PPME1: variants seen among roughly 807,000 people sequenced by gnomAD.
PPME1 encodes protein phosphatase methylesterase 1, also known as testicular secretory protein Li 39.
Under a neutral mutation model 56.9 loss-of-function variants are expected in PPME1, and 17 were observed. The observed-to-expected ratio is 0.30, with a 90% CI of 0.20 to 0.45. The LOEUF is 0.45. Ranked by LOEUF, PPME1 falls within the 20% of genes least tolerant of loss-of-function variation. The pLI, the probability that PPME1 is intolerant of heterozygous loss-of-function variation, is 1.00. For synonymous variants in PPME1, 122 were observed against 156.2 expected (o/e 0.78, Z 1.63); for missense variants, 357 against 483.2 (o/e 0.74, Z 2.45).
At position 74,251,989 on chromosome 11, in the gene PPME1, G is replaced by A. The variant is rs530012417; in HGVS notation, c.1142+274G>A. 14 of 645,396 alleles carry A rather than the reference G, an allele frequency of 2.2e-5. No individual in the cohort carries two copies. In the African/African-American group the frequency reaches 2.3e-4, roughly 11 times the overall value. 40.0% of individuals were successfully genotyped at this position (645,396 alleles called of 1,614,324 possible). The stretch of plus-strand genomic sequence containing the variant: ...TGTGATGTGCATTTCTTCTTGAGGT[G>A]CCCCTTTGAGGAGGCTGGGATAGGA... On this transcript the variant is annotated intron_variant, in intron 13 of 13. Transcript: ENST00000328257.
rs376590868 is a variant in PPME1 at position 74,204,456 on chromosome 11, T to G, written c.288+11T>G. ...TGGGCTGTGTTCACGGTAAGTAGGT[T>G]GTTGATAGTACAAGTTAATGTTAGC... On this transcript the variant is annotated intron_variant, in intron 3 of 13. Transcript: ENST00000328257. 6.3e-7 allele frequency: 1 copy of G among 1,593,680 alleles called. No homozygotes were observed. Among genetic ancestry groups the G allele is most frequent in the Non-Finnish European group, 8.6e-7 (1 of 1,162,462 alleles).
In PPME1 at chr11:74,238,919, T is replaced by A. The variant is rs114623597; in HGVS notation, c.711-214T>A. On this transcript the variant is annotated intron_variant, in intron 8 of 13. Transcript: ENST00000328257. ...GTTGCTCCCTTTCTATGGGTCAGTA[T>A]TGGTGCAAGAACTGGAAACCAGCCC... 4.8e-3 allele frequency: 2,287 copies of A among 478,020 alleles called. 41 individuals are homozygous for A. Among genetic ancestry groups the A allele is most frequent in the African/African-American group, 0.041 (2,105 of 51,654 alleles). The allele number at this position is 478,020 out of a possible 1,614,324, so 29.6% of individuals were successfully genotyped here.
chr11:74,211,801 G>C (rs536038362), intron 3 of PPME1, among the ~76,000 whole-genome samples: 17 of 152,206 alleles, frequency 1.1e-4, no homozygotes, highest in African/African-American at 4.1e-4. Context: ...AGAAAAATGG[G>C]CAAGAGATAA....
chr11:74,204,736 A>AG (rs1858282292), intron 3 of PPME1: 1 of 233,716 alleles, frequency 4.3e-6, no homozygotes, highest in East Asian at 8.3e-5. Context: ...AAAATGTGAA[A>AG]GAAAAATTTA....
In PPME1 at chr11:74,222,327, A is replaced by G; in HGVS notation, c.304A>G (p.Arg102Gly). The change falls in exon 4 of 14, where the codon AGA (arginine) becomes GGA (glycine). Residue 102 changes from arginine (R) to glycine (G), a missense_variant. Arg to Gly is a moderately radical substitution (Grantham distance 125). Transcript: ENST00000328257. Reference sequence around the variant, plus strand: ...TTTCTCCTAGGCAGCGATTATTAGTAGAGTTCAGTGTAGGATTGTAGCTTT... The same window carrying G: ...TTTCTCCTAGGCAGCGATTATTAGTGGAGTTCAGTGTAGGATTGTAGCTTT... ...WAVFTAAIIS[R>G]VQCRIVALDL... The G allele has an allele frequency of 1.2e-6, 2 of 1,611,582 alleles. No homozygotes were observed. Among genetic ancestry groups the G allele is most frequent in the Non-Finnish European group, 1.7e-6 (2 of 1,177,822 alleles).
At chr11:74,219,287 G>C (rs1052269416) in intron 3 of PPME1, among the ~76,000 whole-genome samples, 1 of 148,850 alleles carries the variant, frequency 6.7e-6, no homozygotes, top group Admixed American at 6.7e-5. Flanking sequence ...CTGTTGGTGA[G>C]AATGTAAATT....
At chr11:74,176,584 A>G (rs569954165) in intron 1 of PPME1, among the ~76,000 whole-genome samples, 2 of 152,208 alleles carry the variant, frequency 1.3e-5, no homozygotes, top group South Asian at 2.1e-4. Context: ...TCATCCTCCC[A>G]TAAACTCGTT....
At chr11:74,237,336 C>T (rs182085539) in intron 8 of PPME1, among the ~76,000 whole-genome samples, 4 of 143,454 alleles carry the variant, frequency 2.8e-5, no homozygotes, top group South Asian at 4.3e-4. Flanking sequence ...AGTGCAGTGG[C>T]GCGATCTCAG....
chr11:74,226,797 T>C (rs144387829), intron 5 of PPME1, among the ~76,000 whole-genome samples: 3,474 of 152,242 alleles, frequency 0.023, 127 homozygotes, highest in African/African-American at 0.078. Context: ...ATAAGTAAAG[T>C]TGAATATAAA....
chr11:74,214,050 T>G (rs890817303), intron 3 of PPME1, among the ~76,000 whole-genome samples: 3 of 152,180 alleles, frequency 2.0e-5, no homozygotes, highest in Non-Finnish European at 4.4e-5. Flanking sequence ...CAGACAGAAT[T>G]CAAAATAGCT....
intron 8 of PPME1, chr11:74,238,552 G>A (rs1345204144): frequency 1.3e-5 from 2 of 151,988 alleles, no homozygotes; most frequent in African/African-American, 4.8e-5. Flanking sequence ...GGTACCAGCT[G>A]TTGATATAAT....
intron 1 of PPME1, among the ~76,000 whole-genome samples, chr11:74,191,419 G>A (rs1857834079): frequency 6.6e-6 from 1 of 152,212 alleles, no homozygotes; most frequent in Non-Finnish European, 1.5e-5. Flanking sequence ...TGGCCCTCTG[G>A]TAGAAGAGGA....
chr11:74,196,155 C>T (rs1857976581), intron 1 of PPME1, among the ~76,000 whole-genome samples: 1 of 152,208 alleles, frequency 6.6e-6, no homozygotes, highest in Admixed American at 6.5e-5. Flanking sequence ...AAGAATCTGA[C>T]TTCAGAGCCC....
intron 1 of PPME1, among the ~76,000 whole-genome samples, chr11:74,178,063 A>G (rs1204936352): frequency 1.3e-5 from 2 of 152,200 alleles, no homozygotes; most frequent in African/African-American, 4.8e-5. Context: ...TATTATTGAT[A>G]GGATGTTCCA....
intron 1 of PPME1, among the ~76,000 whole-genome samples, chr11:74,201,728 C>T (rs1239142593): frequency 1.3e-5 from 2 of 152,260 alleles, no homozygotes; most frequent in East Asian, 1.9e-4. Flanking sequence ...CACAGTGACT[C>T]GTTTGTGCAT....
chr11:74,175,999 C>T (rs564464698), intron 1 of PPME1, among the ~76,000 whole-genome samples: 1 of 152,192 alleles, frequency 6.6e-6, no homozygotes, highest in Non-Finnish European at 1.5e-5. Flanking sequence ...TTACATTGGT[C>T]GAGTCATTTA....
At chr11:74,202,111 A>G (rs1858185617) in intron 1 of PPME1, among the ~76,000 whole-genome samples, 2 of 152,222 alleles carry the variant, frequency 1.3e-5, no homozygotes, top group African/African-American at 4.8e-5. Context: ...AATCCAAGGC[A>G]GAATAATTTG....
intron 1 of PPME1, among the ~76,000 whole-genome samples, chr11:74,199,136 T>A (rs1164070768): frequency 6.6e-6 from 1 of 152,160 alleles, no homozygotes; most frequent in African/African-American, 2.4e-5. Context: ...CCTCTCTCCA[T>A]CCCTATTTCT....
rs79240002 is a variant in PPME1, at chr11:74,212,344, T to C, written c.288+7899T>C. 1.3e-3 allele frequency among the ~76,000 whole-genome samples: 205 copies of C among 152,262 alleles called. 2 individuals carry two copies. The highest frequency in any genetic ancestry group is 4.9e-3 in the African/African-American group (203 of 41,560). On this transcript the variant is annotated intron_variant, in intron 3 of 13. Transcript: ENST00000328257. ...CAGAGGTGAATTACCCATTCCAGTG[T>C]TCTGAATTTGAGTTCTGGAAAGCCT... is the stretch of plus-strand genomic sequence containing the variant.
Sources: gnomAD v4.1 joint callset for allele counts (sites outside exome capture counted in the v4.1 genomes callset) on GRCh38, gnomAD v4.1.1 for gene constraint, MANE v1.5 for transcripts, NCBI Gene and HGNC (gene_info 2026-07-23, HGNC 2026-07-21) for gene names.